The following RSBN1L variants were observed in gnomAD, a reference collection of about 807,000 sequenced individuals.
RSBN1L encodes the protein round spermatid basic protein 1 like.
Under a neutral mutation model 67.7 loss-of-function variants are expected in RSBN1L, and 30 were observed. That is an observed-to-expected ratio of 0.44 (90% CI 0.33 to 0.60). The LOEUF (loss-of-function observed/expected upper bound fraction) is 0.60, where lower values mean the gene tolerates loss of function less well. Among genes scored for constraint, RSBN1L ranks in the 20% least tolerant of loss-of-function variants. The pLI, the probability that RSBN1L is intolerant of heterozygous loss-of-function variation, is 0.02. For missense variants in RSBN1L, 992 were observed against 1,031.7 expected (o/e 0.96, Z 0.53); for synonymous variants, 433 against 387.0 (o/e 1.12, Z -1.39).
At chr7:77,775,856 GACC>G (rs1458986346) in intron 6 of RSBN1L, among the ~76,000 whole-genome samples, 2 of 152,132 alleles carry the variant, frequency 1.3e-5, no homozygotes, top group Non-Finnish European at 2.9e-5. Context: ...AGGAGTTCCA[GACC>G]AGCCTGGGCA....
chr7:77,734,065 G>A (rs1791302282), intron 1 of RSBN1L, among the ~76,000 whole-genome samples: 1 of 152,228 alleles, frequency 6.6e-6, no homozygotes, highest in African/African-American at 2.4e-5. Flanking sequence ...GGTGGAGGTT[G>A]CAGGAAGCTG....
At chr7:77,737,288 C>CA (rs940171787) in intron 2 of RSBN1L, among the ~76,000 whole-genome samples, 5 of 152,138 alleles carry the variant, frequency 3.3e-5, no homozygotes, top group African/African-American at 1.2e-4. Flanking sequence ...CTAGTGCTAT[C>CA]ATGTTGATAG....
chr7:77,757,582 G>T (rs1169726077), intron 3 of RSBN1L, among the ~76,000 whole-genome samples: 1 of 152,224 alleles, frequency 6.6e-6, no homozygotes, highest in African/African-American at 2.4e-5. Flanking sequence ...TTGAAAAAAG[G>T]TTTCATTTAT....
At chr7:77,773,728 A>T (rs1791876823) in intron 6 of RSBN1L, among the ~76,000 whole-genome samples, 1 of 152,184 alleles carries the variant, frequency 6.6e-6, no homozygotes, top group Non-Finnish European at 1.5e-5. Context: ...GCGCCACTGC[A>T]CTCCAGCCTG....
At chr7:77,764,987 G>A (rs1296448197) in intron 3 of RSBN1L, among the ~76,000 whole-genome samples, 1 of 152,094 alleles carries the variant, frequency 6.6e-6, no homozygotes, top group South Asian at 2.1e-4. Context: ...ATATAAACTG[G>A]TTTCTAGTTA....
intron 5 of RSBN1L, among the ~76,000 whole-genome samples, chr7:77,772,851 G>A (rs901485555): frequency 6.6e-6 from 1 of 152,168 alleles, no homozygotes; most frequent in Non-Finnish European, 1.5e-5. Context: ...CTGAGTGGGG[G>A]CATGGTACCC....
chr7:77,744,179 G>A (rs754979313), intron 2 of RSBN1L, among the ~76,000 whole-genome samples: 5 of 151,566 alleles, frequency 3.3e-5, no homozygotes, highest in Admixed American at 6.6e-5. Flanking sequence ...CTACGGGCAT[G>A]TACCAACATG....
intron 3 of RSBN1L, among the ~76,000 whole-genome samples, chr7:77,757,956 T>G (rs928362019): frequency 4.6e-5 from 7 of 151,850 alleles, no homozygotes; most frequent in Non-Finnish European, 7.4e-5. Context: ...TTTTAGGTTA[T>G]TTATTCATTT....
At chr7:77,761,791 A>G (rs997517606) in intron 3 of RSBN1L, among the ~76,000 whole-genome samples, 1 of 152,204 alleles carries the variant, frequency 6.6e-6, no homozygotes. Flanking sequence ...GAAATGATAT[A>G]TAGTTAAAGG....
chr7:77,742,213 A>ACACACACACC (rs1791422859), intron 2 of RSBN1L, among the ~76,000 whole-genome samples: 1 of 150,140 alleles, frequency 6.7e-6, no homozygotes, highest in South Asian at 2.1e-4. Flanking sequence ...ACACACACAC[A>ACACACACACC]CACACGGCAA....
intron 1 of RSBN1L, among the ~76,000 whole-genome samples, chr7:77,711,173 T>G (rs991863215): frequency 1.3e-5 from 2 of 152,154 alleles, no homozygotes; most frequent in Non-Finnish European, 2.9e-5. Flanking sequence ...ACAGGCAAAT[T>G]GTCAAGTGGA....
rs374387939 is a variant in RSBN1L, at chr7:77,696,848, A to C, written c.379A>C (p.Lys127Gln). ...TTCCTTGTCTCAGCCGGTGCCGCGC[A>C]AACTGCTGGTCCCTCCTACGCTGCT... ...SASLSQPVPR[K>Q]LLVPPTLLHA... The change falls in exon 1 of 8, where the codon AAA (lysine) becomes CAA (glutamine). Residue 127 changes from lysine to glutamine, a missense_variant. Coordinates refer to ENST00000334955, the MANE Select transcript of RSBN1L (RefSeq NM_198467.3). 13 of 1,612,822 alleles carry C rather than the reference A, an allele frequency of 8.1e-6. No individual in the cohort carries two copies. The highest frequency in any genetic ancestry group is 1.0e-5 in the Non-Finnish European group (12 of 1,179,916).
At chr7:77,711,771 T>A (rs554526022) in intron 1 of RSBN1L, among the ~76,000 whole-genome samples, 1 of 152,356 alleles carries the variant, frequency 6.6e-6, no homozygotes, top group Non-Finnish European at 1.5e-5. Flanking sequence ...GAAGTAACCA[T>A]GTTTAAGTAC....
At chr7:77,705,130 T>A (rs1163595034) in intron 1 of RSBN1L, among the ~76,000 whole-genome samples, 1 of 152,224 alleles carries the variant, frequency 6.6e-6, no homozygotes, top group African/African-American at 2.4e-5. Context: ...GATTCGCTTT[T>A]ATATTTTCCA....
chr7:77,706,096 G>C (rs1444050988), intron 1 of RSBN1L, among the ~76,000 whole-genome samples: 1 of 147,292 alleles, frequency 6.8e-6, no homozygotes, highest in Non-Finnish European at 1.5e-5. Flanking sequence ...TTTTTTTTGA[G>C]ACGGAATCTT....
In RSBN1L at chr7:77,744,032, A is replaced by G. The variant is rs1183648823; in HGVS notation, c.704-5392A>G. On this transcript the variant is annotated intron_variant, in intron 2 of 7. Transcript: ENST00000334955. The stretch of plus-strand genomic sequence containing the variant: ...TCAGCCACCATGTCTGGACTGTTTT[A>G]CTTTTTACATTTATTTTTATTTTAT... Among the ~76,000 whole-genome samples, 3 of 149,010 alleles carry G rather than the reference A, an allele frequency of 2.0e-5. No homozygotes were observed. In the East Asian group the frequency reaches 6.1e-4, roughly 30 times the overall value.
In RSBN1L at chr7:77,716,456, C is replaced by CTT. The variant is rs371514466; in HGVS notation, c.586+19413_586+19414dup. Among the ~76,000 whole-genome samples the CTT allele has an allele frequency of 8.2e-3, 1,149 of 140,332 alleles. 5 individuals carry two copies. The highest frequency in any genetic ancestry group is 0.021 in the African/African-American group (808 of 37,958). The allele number at this position is 140,332 out of a possible 152,430, so 92.1% of individuals were successfully genotyped here. On this transcript the variant is annotated intron_variant, in intron 1 of 7. Transcript: ENST00000334955. The stretch of plus-strand genomic sequence containing the variant: ...TCCTCCCGCCTCAGCTGTCTGGCTC[C>CTT]TTTTTTTTTTTTTCACCATTTTTAT...
In RSBN1L at chr7:77,782,086, C is replaced by G. The variant is rs1373407855; in HGVS notation, c.*2918C>G. The G allele has an allele frequency of 6.6e-6, 1 of 151,424 alleles. No individual in the cohort carries two copies. Among genetic ancestry groups the G allele is most frequent in the Non-Finnish European group, 1.5e-5 (1 of 67,936 alleles). The allele number at this position is 151,424 out of a possible 1,614,324, so 9.4% of individuals were successfully genotyped here. A position where few individuals can be genotyped will look rare whatever the true frequency, so the allele number is the denominator to read the frequency against. ...CTTCAATAATGCTTACGTTCCTTGTCTTATGGGTTATAATTTTCACATCCT... is the reference window on the plus strand; with the variant it reads ...CTTCAATAATGCTTACGTTCCTTGTGTTATGGGTTATAATTTTCACATCCT... On this transcript the variant is annotated 3_prime_UTR_variant, in exon 8 of 8. Transcript: ENST00000334955.
intron 2 of RSBN1L, among the ~76,000 whole-genome samples, chr7:77,737,254 C>T (rs1263240228): frequency 6.6e-6 from 1 of 152,022 alleles, no homozygotes; most frequent in Non-Finnish European, 1.5e-5. Flanking sequence ...AGACAACTAG[C>T]GAATTCACTA....
Sources: allele counts gnomAD v4.1 joint callset (sites outside exome capture counted in the v4.1 genomes callset), GRCh38; gene constraint gnomAD v4.1.1; transcripts MANE v1.5; gene names NCBI Gene and HGNC (gene_info 2026-07-23, HGNC 2026-07-21).